PREX1: variants seen among roughly 807,000 people sequenced by gnomAD.
PREX1 encodes phosphatidylinositol-3,4,5-trisphosphate dependent Rac exchange factor 1, also known as phosphatidylinositol 3,4,5-trisphosphate-dependent Rac exchanger 1 protein.
PREX1 carries 41 observed loss-of-function variants against 198.3 expected under a neutral mutation model. The observed-to-expected ratio is 0.21, with a 90% CI of 0.16 to 0.27. The LOEUF (loss-of-function observed/expected upper bound fraction) is 0.27, where lower values mean the gene tolerates loss of function less well. Ranked by LOEUF, PREX1 falls within the 10% of genes least tolerant of loss-of-function variation. The probability of loss-of-function intolerance (pLI) is 1.00; values close to 1 mark genes in which losing one functional copy is unlikely to be tolerated. For missense variants in PREX1, 1,620 were observed against 2,200.7 expected, an observed-to-expected ratio of 0.74 and a Z score of 5.28; for synonymous variants, 843 against 887.2, an observed-to-expected ratio of 0.95 and a Z score of 0.89.
intron 20 of PREX1, 63 bp downstream of exon 20, chr20:48,653,298 C>G: frequency 6.3e-7 from 1 of 1,585,696 alleles, no homozygotes; most frequent in Non-Finnish European, 8.6e-7. Flanking sequence ...AGAGGACAGC[C>G]CTCAGCCACC....
chr20:48,696,412 C>T (rs773249250), intron 7 of PREX1, among the ~76,000 whole-genome samples: 2 of 152,214 alleles, frequency 1.3e-5, no homozygotes, highest in Non-Finnish European at 2.9e-5. Flanking sequence ...CCTAAACTCA[C>T]TATTCGATTC....
At chr20:48,850,238 C>CTAGA in the PREX1 span, among the ~76,000 whole-genome samples, 116 of 152,304 alleles carry the variant, frequency 7.6e-4, 3 homozygotes, top group East Asian at 0.015. Context: ...ATCCACTGAG[C>CTAGA]TAGAACCTTT....
chr20:48,808,802 A>G (rs1362362040), intron 1 of PREX1, among the ~76,000 whole-genome samples: 1 of 152,142 alleles, frequency 6.6e-6, no homozygotes, highest in African/African-American at 2.4e-5. Flanking sequence ...TGTGGATCCT[A>G]AAACAGGCTC....
At chr20:48,710,220 C>CA (rs1294012556) in intron 5 of PREX1, among the ~76,000 whole-genome samples, 2 of 152,224 alleles carry the variant, frequency 1.3e-5, no homozygotes, top group Non-Finnish European at 2.9e-5. Flanking sequence ...CAAAGGCAGG[C>CA]AGGGCACCCA....
intron 1 of PREX1, among the ~76,000 whole-genome samples, chr20:48,798,662 C>G (rs115299176): frequency 2.0e-5 from 3 of 152,336 alleles, no homozygotes; most frequent in Non-Finnish European, 2.9e-5. Context: ...AAAGCAGATT[C>G]TGCTGCGGTG....
the PREX1 span, among the ~76,000 whole-genome samples, chr20:48,866,418 C>G: frequency 6.6e-6 from 1 of 152,130 alleles, no homozygotes; most frequent in African/African-American, 2.4e-5. Flanking sequence ...AAATGCAGAA[C>G]TCCAGCCCAG....
At position 48,827,855 on chromosome 20, in the gene PREX1, C is replaced by G. The variant is rs1269490394; in HGVS notation, c.6G>C (p.Glu2Asp). Residue 2 changes from glutamate to aspartate, a missense_variant, in exon 1 of 40, where the codon GAG (glutamate) becomes GAC (aspartate). Transcript: ENST00000371941. The surrounding 1 kb of genome is among the most constrained non-coding windows in gnomAD (Gnocchi z 4.1). ...CGCCGGGCTCGCTGCCGCTGGGCGCCTCCATTCTAGCGCGGCCGCGCGGCG... is the reference window on the plus strand; with the variant it reads ...CGCCGGGCTCGCTGCCGCTGGGCGCGTCCATTCTAGCGCGGCCGCGCGGCG... M[E>D]APSGSEPGGD... is the part of the protein sequence containing the mutation. 1 of 985,490 alleles carries G rather than the reference C, an allele frequency of 1.0e-6. No individual in the cohort carries two copies. The highest frequency in any genetic ancestry group is 1.2e-6 in the Non-Finnish European group (1 of 831,432). 61.0% of individuals were successfully genotyped at this position (985,490 alleles called of 1,614,324 possible). A position where few individuals can be genotyped will look rare whatever the true frequency, so the allele number is the denominator to read the frequency against.
chr20:48,844,697 T>A, the PREX1 span, among the ~76,000 whole-genome samples: 1 of 152,144 alleles, frequency 6.6e-6, no homozygotes, highest in African/African-American at 2.4e-5. Context: ...CGTGCCATCA[T>A]GGTAGATGGA....
intron 1 of PREX1, among the ~76,000 whole-genome samples, chr20:48,818,799 C>T (rs180870529): frequency 2.0e-5 from 3 of 152,362 alleles, no homozygotes. Context: ...CTTCCTTTGT[C>T]TCAGGAAGCA....
chr20:48,707,117 G>A (rs742645), intron 6 of PREX1, among the ~76,000 whole-genome samples: 9,379 of 152,270 alleles, frequency 0.062, 361 homozygotes, highest in South Asian at 0.13. Flanking sequence ...GCTGGCGCCC[G>A]GGCCCTCTTC....
In PREX1 at chr20:48,736,415, C is replaced by T. The variant is rs559385444; in HGVS notation, c.415-1765G>A. Among the ~76,000 whole-genome samples, 7 of 152,328 alleles carry T rather than the reference C, an allele frequency of 4.6e-5. No homozygotes were observed. The South Asian group carries it at 8.3e-4, about 18-fold the overall frequency. On this transcript the variant is annotated intron_variant, in intron 3 of 39. Coordinates refer to ENST00000371941, the MANE Select transcript of PREX1 (RefSeq NM_020820.4). ...ACACCACCACCAATGTCAGCATGCA[C>T]ATGGACACATGCACTGAGTCACAAA...
rs1219302802 is a variant in PREX1 at position 48,691,357 on chromosome 20, G to A, written c.1037-261C>T. ...GACCTTGCATCTAGGCACAAACACAGCAGTGACTCATGGGGAGACACTTGC... is the reference window on the plus strand; with the variant it reads ...GACCTTGCATCTAGGCACAAACACAACAGTGACTCATGGGGAGACACTTGC... On this transcript the variant is annotated intron_variant, in intron 8 of 39. Transcript: ENST00000371941. This position sits in a 1 kb window ranked among gnomAD's most constrained non-coding sequence, Gnocchi z 5.0. Among the ~76,000 whole-genome samples, 1 of 152,210 alleles carries A rather than the reference G, an allele frequency of 6.6e-6. No homozygotes were observed.
At chr20:48,657,966 C>G (rs1568807501) in intron 17 of PREX1, among the ~76,000 whole-genome samples, 170 bp downstream of exon 17, 1 of 152,334 alleles carries the variant, frequency 6.6e-6, no homozygotes, top group Non-Finnish European at 1.5e-5. Context: ...CTACTGTAGC[C>G]ACTGCAGACA....
At chr20:48,633,185 G>C (rs1322455401) in intron 33 of PREX1, among the ~76,000 whole-genome samples, 1 of 152,178 alleles carries the variant, frequency 6.6e-6, no homozygotes, top group East Asian at 1.9e-4. Flanking sequence ...TCTCAGCCTG[G>C]AGACAGGCAG....
intron 18 of PREX1, 79 bp from the exon 19 acceptor site, chr20:48,655,454 G>T: frequency 8.2e-7 from 1 of 1,223,784 alleles, no homozygotes; most frequent in Non-Finnish European, 1.1e-6. Flanking sequence ...TGCCAACCCA[G>T]AGACTTTCTG....
intron 1 of PREX1, among the ~76,000 whole-genome samples, chr20:48,785,132 TG>T (rs1228254146): frequency 2.0e-5 from 3 of 152,244 alleles, no homozygotes; most frequent in African/African-American, 2.4e-5. Context: ...CAGGCTGGTC[TG>T]GAACTCCTGA....
chr20:48,652,710 C>A lies in PREX1; in HGVS notation c.2347-4G>T. ...GGTAGATCCACTGGTACAGGCCCTGCCAGAAGCCAGAGTAAGGGGACAGCC... is the reference window on the plus strand; with the variant it reads ...GGTAGATCCACTGGTACAGGCCCTGACAGAAGCCAGAGTAAGGGGACAGCC... On this transcript the variant is annotated splice_region_variant and splice_polypyrimidine_tract_variant and intron_variant, in intron 20 of 39. Transcript: ENST00000371941. 6.2e-7 allele frequency: 1 copy of A among 1,610,148 alleles called. No individual in the cohort carries two copies. Among genetic ancestry groups the A allele is most frequent in the Non-Finnish European group, 8.5e-7 (1 of 1,177,892 alleles).
intron 11 of PREX1, 78 bp downstream of exon 11, chr20:48,681,157 A>T (rs1358545708): frequency 8.2e-7 from 1 of 1,216,890 alleles, no homozygotes; most frequent in Non-Finnish European, 1.2e-6. Flanking sequence ...GAGCTGCCTG[A>T]GCTAGTGGAA....
At chr20:48,733,007 C>A (rs1433366134) in intron 4 of PREX1, among the ~76,000 whole-genome samples, 1 of 152,230 alleles carries the variant, frequency 6.6e-6, no homozygotes, top group African/African-American at 2.4e-5. Context: ...ACACTGTTAA[C>A]AAGAGGGAGA....
Sources: gnomAD v4.1 joint callset for allele counts (sites outside exome capture counted in the v4.1 genomes callset) on GRCh38, gnomAD v4.1.1 for gene constraint, Gnocchi (gnomAD v3.1) non-coding constraint, MANE v1.5 for transcripts, NCBI Gene and HGNC (gene_info 2026-07-23, HGNC 2026-07-21) for gene names.